The following KIAA0513 variants were observed in gnomAD, a reference collection of about 807,000 sequenced individuals.
KIAA0513 encodes KIAA0513.
In KIAA0513, 39 loss-of-function variants were observed where a neutral mutation model predicts 56.5. That is an observed-to-expected ratio of 0.69 (90% CI 0.53 to 0.90). The LOEUF is 0.90. Among genes scored for constraint, KIAA0513 ranks in the 40% least tolerant of loss-of-function variants. KIAA0513 has a pLI of 0.00. For synonymous variants in KIAA0513, 268 were observed against 215.6 expected (o/e 1.24, Z -2.13); for missense variants, 591 against 535.2 (o/e 1.10, Z -1.03).
intron 6 of KIAA0513, 27 bp from the exon 7 acceptor site, chr16:85,078,388 G>C (rs751939651): frequency 1.2e-6 from 2 of 1,613,774 alleles, no homozygotes; most frequent in Admixed American, 3.3e-5. Context: ...AGTCGCGTGT[G>C]TCATCATTGT....
intron 2 of KIAA0513, 39 bp from the exon 3 acceptor site, chr16:85,071,744 T>G: frequency 3.1e-6 from 4 of 1,309,896 alleles, no homozygotes; most frequent in South Asian, 2.7e-5. Context: ...TGAAAAGGGT[T>G]TTTTTTTTTT....
intron 3 of KIAA0513, among the ~76,000 whole-genome samples, chr16:85,072,244 T>G (rs1294858638): frequency 2.0e-5 from 3 of 152,148 alleles, no homozygotes; most frequent in African/African-American, 4.8e-5. Context: ...CTCATTTGGA[T>G]GTCGCACTTC....
intron 6 of KIAA0513, among the ~76,000 whole-genome samples, 182 bp downstream of exon 6, chr16:85,077,814 G>T (rs1048080427): frequency 2.0e-5 from 3 of 152,166 alleles, no homozygotes; most frequent in African/African-American, 7.2e-5. Context: ...CCCCCCCACT[G>T]ACATGCAGGG....
chr16:85,030,125 A>G (rs1020567647), intron 1 of KIAA0513, among the ~76,000 whole-genome samples: 65 of 152,072 alleles, frequency 4.3e-4, no homozygotes, highest in African/African-American at 1.5e-3. Flanking sequence ...CTGCCGCAGC[A>G]CCCCTGCGCC....
chr16:85,062,013 A>G (rs1005114235), intron 1 of KIAA0513, among the ~76,000 whole-genome samples: 28 of 151,916 alleles, frequency 1.8e-4, no homozygotes, highest in African/African-American at 3.9e-4. Flanking sequence ...AGCCTTTTCA[A>G]TGCTGGTTCT....
At chr16:85,085,556 T>C (rs913074450) in intron 10 of KIAA0513, among the ~76,000 whole-genome samples, 1 of 152,246 alleles carries the variant, frequency 6.6e-6, no homozygotes, top group African/African-American at 2.4e-5. Flanking sequence ...AATTAGTGTC[T>C]CCACATTCGC....
chr16:85,029,217 A>AT (rs1253044723), intron 1 of KIAA0513, among the ~76,000 whole-genome samples: 3 of 151,930 alleles, frequency 2.0e-5, no homozygotes, highest in Non-Finnish European at 2.9e-5. Context: ...GACTCATGAG[A>AT]TTTTTTTTCC....
chr16:85,056,253 C>T (rs991338922), intron 1 of KIAA0513, among the ~76,000 whole-genome samples: 2 of 152,220 alleles, frequency 1.3e-5, no homozygotes, highest in African/African-American at 4.8e-5. Flanking sequence ...CCTAAGCCTC[C>T]CACCCTTTGC....
intron 1 of KIAA0513, among the ~76,000 whole-genome samples, chr16:85,038,730 T>A (rs72658732): frequency 0.33 from 41,918 of 125,628 alleles, 8,151 homozygotes; most frequent in African/African-American, 0.53. Context: ...AAAATAATAA[T>A]AATAATATCT....
intron 1 of KIAA0513, among the ~76,000 whole-genome samples, chr16:85,051,969 T>G (rs1344841646): frequency 2.0e-5 from 3 of 152,010 alleles, no homozygotes; most frequent in Non-Finnish European, 4.4e-5. Flanking sequence ...TCATGATTTT[T>G]TAAGTCTTAC....
At position 85,088,334 on chromosome 16, in the gene KIAA0513, G is replaced by C; in HGVS notation, c.*9G>C. The C allele has an allele frequency of 6.2e-7, 1 of 1,608,474 alleles. No homozygotes were observed. The highest frequency in any genetic ancestry group is 8.5e-7 in the Non-Finnish European group (1 of 1,179,132). ...AAATGGCCACTGAGTAGGCCCCAGA[G>C]GTCGCACTCCGCAGGAGGACTGAGG... is the stretch of plus-strand genomic sequence containing the variant. On this transcript the variant is annotated 3_prime_UTR_variant, in exon 13 of 13. Coordinates refer to ENST00000683363, the MANE Select transcript of KIAA0513 (RefSeq NM_001388359.1).
At chr16:85,082,500 C>A in intron 9 of KIAA0513, 64 bp from the exon 10 acceptor site, 1 of 1,523,142 alleles carries the variant, frequency 6.6e-7, no homozygotes, top group South Asian at 1.1e-5. Flanking sequence ...CTCTTTTTAC[C>A]ATCCACATAT....
chr16:85,084,392 C>T (rs1031754270), intron 10 of KIAA0513, among the ~76,000 whole-genome samples: 1 of 149,844 alleles, frequency 6.7e-6, no homozygotes, highest in Non-Finnish European at 1.5e-5. Context: ...ATTACAGGTG[C>T]CCGCCACCAC....
intron 1 of KIAA0513, among the ~76,000 whole-genome samples, chr16:85,042,743 C>G (rs780273970): frequency 3.3e-5 from 5 of 152,124 alleles, no homozygotes; most frequent in Non-Finnish European, 5.9e-5. Flanking sequence ...ATAGTCCAGA[C>G]CAGCATGGCT....
intron 1 of KIAA0513, among the ~76,000 whole-genome samples, chr16:85,035,146 G>A (rs1013105788): frequency 1.3e-5 from 2 of 152,160 alleles, no homozygotes; most frequent in Non-Finnish European, 2.9e-5. Flanking sequence ...CCAGTTCTCC[G>A]AGCATGGCCA....
At chr16:85,035,026 C>G (rs998631689) in intron 1 of KIAA0513, among the ~76,000 whole-genome samples, 1 of 152,256 alleles carries the variant, frequency 6.6e-6, no homozygotes, top group Non-Finnish European at 1.5e-5. Flanking sequence ...GTGCACCTAC[C>G]TCTGCCCCCC....
Position 85,081,418 on chromosome 16 carries a change from G to T in KIAA0513, c.980+26G>T. ...GTAGGAGCAAAGTGTGGCCCCATTT[G>T]GCCTCAGGAAAAAGGACCAGGGAGT... On this transcript the variant is annotated intron_variant, in intron 9 of 12. Transcript: ENST00000683363. This position sits in a 1 kb window ranked among gnomAD's most constrained non-coding sequence, Gnocchi z 4.4. 1 of 1,548,130 alleles carries T rather than the reference G, an allele frequency of 6.5e-7. No individual in the cohort carries two copies. Among genetic ancestry groups the T allele is most frequent in the South Asian group, 1.2e-5 (1 of 84,144 alleles).
At chr16:85,046,008 G>A (rs1289533464) in intron 1 of KIAA0513, among the ~76,000 whole-genome samples, 1 of 152,184 alleles carries the variant, frequency 6.6e-6, no homozygotes, top group Non-Finnish European at 1.5e-5. Flanking sequence ...AGGAAATGTC[G>A]CAGGGGGTGG....
chr16:85,071,946 C>G, intron 3 of KIAA0513, 64 bp downstream of exon 3: 1 of 1,124,184 alleles, frequency 8.9e-7, no homozygotes, highest in South Asian at 1.3e-5. Context: ...TGAAGCATAA[C>G]AAATTTGACT....
Sources: gnomAD v4.1 joint callset for allele counts (sites outside exome capture counted in the v4.1 genomes callset) on GRCh38, gnomAD v4.1.1 for gene constraint, Gnocchi (gnomAD v3.1) non-coding constraint, MANE v1.5 for transcripts, NCBI Gene and HGNC (gene_info 2026-07-23, HGNC 2026-07-21) for gene names.